Variants in POLK observed in about 807,000 individuals in gnomAD.
POLK encodes DNA polymerase kappa, also known as polymerase (DNA directed) kappa.
Under a neutral mutation model 94.0 loss-of-function variants are expected in POLK, and 76 were observed. That is an observed-to-expected ratio of 0.81 (90% confidence interval 0.67 to 0.98). POLK has a LOEUF of 0.98. Among genes scored for constraint, POLK ranks in the 50% least tolerant of loss-of-function variants. POLK has a pLI of 0.00. For missense variants in POLK, 954 were observed against 1,010.1 expected (o/e 0.94, Z 0.75); for synonymous variants, 349 against 325.4 (o/e 1.07, Z -0.78).
exon 6 of POLK, chr5:75,576,841 A>T: frequency 6.4e-7 from 1 of 1,562,090 alleles, no homozygotes; most frequent in Non-Finnish European, 8.7e-7. Context: ...GATGAAGCCT[A>T]CTTGAATATA....
chr5:75,527,617 T>C (rs1768937096), intron 1 of POLK, among the ~76,000 whole-genome samples: 1 of 152,020 alleles, frequency 6.6e-6, no homozygotes. Context: ...TTAGATCAAC[T>C]GTTTGGACTT....
At chr5:75,553,925 T>C (rs1027143743) in intron 3 of POLK, among the ~76,000 whole-genome samples, 7 of 152,184 alleles carry the variant, frequency 4.6e-5, no homozygotes, top group African/African-American at 1.7e-4. Context: ...TGGCTGATTA[T>C]CATTTAGAGA....
At chr5:75,571,990 T>A (rs746832610) in intron 4 of POLK, among the ~76,000 whole-genome samples, 4 of 152,222 alleles carry the variant, frequency 2.6e-5, no homozygotes, top group Non-Finnish European at 4.4e-5. Flanking sequence ...ATTAGTATAG[T>A]TCTGAGTACT....
At chr5:75,520,479 C>T (rs1042236263) in intron 1 of POLK, among the ~76,000 whole-genome samples, 11 of 152,256 alleles carry the variant, frequency 7.2e-5, no homozygotes, top group African/African-American at 2.4e-4. Flanking sequence ...ACTGTAGTCT[C>T]GAACTCCTGG....
At chr5:75,568,618 A>G in intron 3 of POLK, 2 of 395,688 alleles carry the variant, frequency 5.1e-6, no homozygotes, top group Non-Finnish European at 9.8e-6. Flanking sequence ...TATTTGACAT[A>G]TATATTAAAG....
exon 13 of POLK, chr5:75,596,417 G>A: frequency 6.2e-7 from 1 of 1,613,834 alleles, no homozygotes. Context: ...CGATCAGAAA[G>A]GAAATGGAGT....
At chr5:75,520,174 T>C (rs190147373) in intron 1 of POLK, among the ~76,000 whole-genome samples, 1 of 152,340 alleles carries the variant, frequency 6.6e-6, no homozygotes, top group East Asian at 1.9e-4. Context: ...TAAAAACTTC[T>C]ACACTTTAAC....
chr5:75,533,364 T>C (rs1199232969), intron 1 of POLK, among the ~76,000 whole-genome samples: 2 of 152,222 alleles, frequency 1.3e-5, no homozygotes, highest in East Asian at 3.8e-4. Flanking sequence ...TTGCGTGTTT[T>C]TGTTGATTTT....
At chr5:75,514,431 C>A (rs1768225546) in intron 1 of POLK, among the ~76,000 whole-genome samples, 1 of 152,162 alleles carries the variant, frequency 6.6e-6, no homozygotes, top group African/African-American at 2.4e-5. Flanking sequence ...TGGTCAGACA[C>A]CAAAGAACCA....
upstream of POLK, chr5:75,511,320 T>G: frequency 6.5e-7 from 1 of 1,548,398 alleles, no homozygotes. Context: ...GAGTGCCCGC[T>G]CCGGTGTGGG....
chr5:75,546,272 A>G (rs887289069), intron 1 of POLK, among the ~76,000 whole-genome samples: 2 of 152,224 alleles, frequency 1.3e-5, no homozygotes, highest in Non-Finnish European at 2.9e-5. Context: ...TAAGAAAATC[A>G]TAAAGGAGAC....
chr5:75,548,008 C>T (rs1770139658), intron 2 of POLK, among the ~76,000 whole-genome samples: 2 of 152,124 alleles, frequency 1.3e-5, no homozygotes, highest in Non-Finnish European at 2.9e-5. Context: ...CTCGTTACAG[C>T]CTCACCCTGG....
At chr5:75,589,156 G>GA (rs1412147853) in intron 10 of POLK, among the ~76,000 whole-genome samples, 25 of 151,648 alleles carry the variant, frequency 1.6e-4, no homozygotes, top group African/African-American at 5.6e-4. Flanking sequence ...TTTTATGATA[G>GA]AAAAAAACTG....
chr5:75,526,406 T>A (rs535070714), intron 1 of POLK, among the ~76,000 whole-genome samples: 9 of 152,018 alleles, frequency 5.9e-5, no homozygotes, highest in Non-Finnish European at 1.2e-4. Flanking sequence ...ACCTAATTAA[T>A]AAGATTTTTA....
intron 10 of POLK, among the ~76,000 whole-genome samples, chr5:75,588,246 G>A (rs958270709): frequency 3.3e-5 from 5 of 152,034 alleles, no homozygotes; most frequent in Middle Eastern, 6.8e-3. Flanking sequence ...TTTCTAAAAT[G>A]GGCAATATAA....
intron 9 of POLK, among the ~76,000 whole-genome samples, chr5:75,585,687 GT>G (rs2112841477): frequency 6.6e-6 from 1 of 152,290 alleles, no homozygotes; most frequent in South Asian, 2.1e-4. Flanking sequence ...AAGGTAAATT[GT>G]TGTGGGATAG....
At chr5:75,531,277 A>G (rs1297274548) in intron 1 of POLK, among the ~76,000 whole-genome samples, 1 of 149,938 alleles carries the variant, frequency 6.7e-6, no homozygotes, top group Non-Finnish European at 1.5e-5. Flanking sequence ...TATATAGTAT[A>G]TTGTTTATAT....
chr5:75,537,970 C>T (rs1309278816), intron 1 of POLK, among the ~76,000 whole-genome samples: 1 of 152,014 alleles, frequency 6.6e-6, no homozygotes, highest in Non-Finnish European at 1.5e-5. Flanking sequence ...CATTCTCCTG[C>T]CTCAGCCGCC....
chr5:75,550,374 T>C (rs981752719), intron 2 of POLK, among the ~76,000 whole-genome samples: 3 of 151,420 alleles, frequency 2.0e-5, no homozygotes. Flanking sequence ...AGGTCAGGAG[T>C]TCAAGACCAG....
Sources: gnomAD v4.1 joint callset for allele counts (sites outside exome capture counted in the v4.1 genomes callset) on GRCh38, gnomAD v4.1.1 for gene constraint, MANE v1.5 for transcripts, NCBI Gene and HGNC (gene_info 2026-07-23, HGNC 2026-07-21) for gene names.